The following SNX16 variants were observed in gnomAD, a reference collection of about 807,000 sequenced individuals.
SNX16 encodes the protein sorting nexin-16.
Under a neutral mutation model 36.7 loss-of-function variants are expected in SNX16, and 35 were observed. That is an observed-to-expected ratio of 0.95 (90% CI 0.73 to 1.27). The LOEUF (loss-of-function observed/expected upper bound fraction) is 1.27. SNX16 is among the 50% of genes most tolerant of loss of function. SNX16 has a pLI of 0.00. For missense variants in SNX16, 367 were observed against 393.6 expected, an observed-to-expected ratio of 0.93 and a Z score of 0.57; for synonymous variants, 134 against 132.0, an observed-to-expected ratio of 1.02 and a Z score of -0.10.
At chr8:81,814,439 G>A (rs979508506) in intron 5 of SNX16, among the ~76,000 whole-genome samples, 1 of 152,026 alleles carries the variant, frequency 6.6e-6, no homozygotes, top group Non-Finnish European at 1.5e-5. Context: ...CAAATGTGTA[G>A]AGAATGAGAG....
intron 7 of SNX16, among the ~76,000 whole-genome samples, chr8:81,802,165 A>G (rs992660084): frequency 7.2e-5 from 11 of 151,882 alleles, no homozygotes; most frequent in African/African-American, 2.4e-4. Flanking sequence ...GAGAAAACTT[A>G]CATCCTGATG....
chr8:81,807,836 G>C (rs1810036551), intron 5 of SNX16: 1 of 762,804 alleles, frequency 1.3e-6, no homozygotes, highest in African/African-American at 1.7e-5. Context: ...GGAAGGTTGA[G>C]TTTTGAAACA....
rs1384130300 is a variant in SNX16 at position 81,842,163 on chromosome 8, G to A, written c.-138C>T. The A allele has an allele frequency of 6.6e-6, 1 of 150,542 alleles. No individual in the cohort carries two copies. The highest frequency in any genetic ancestry group is 2.0e-4 in the East Asian group (1 of 4,962). The allele number at this position is 150,542 out of a possible 1,614,324, so 9.3% of individuals were successfully genotyped here. A position where few individuals can be genotyped will look rare whatever the true frequency, so the allele number is the denominator to read the frequency against. On this transcript the variant is annotated 5_prime_UTR_variant, in exon 1 of 8. Transcript: ENST00000345957. ...ATCCCGAACGAGCGCGCTTCCCGGT[G>A]ACGGTTAAACCGGACTCTCCTTAAC... is the stretch of plus-strand genomic sequence containing the variant.
intron 4 of SNX16, 63 bp downstream of exon 4, chr8:81,823,729 T>C (rs1810880959): frequency 1.4e-6 from 2 of 1,397,872 alleles, no homozygotes; most frequent in Admixed American, 4.6e-5. Context: ...CATAGATTTA[T>C]TCTTTAATTT....
chr8:81,838,181 A>C (rs1012864444), intron 2 of SNX16, among the ~76,000 whole-genome samples: 1 of 152,202 alleles, frequency 6.6e-6, no homozygotes, highest in African/African-American at 2.4e-5. Flanking sequence ...TCTAACCAAC[A>C]GATGTAAGAA....
At chr8:81,816,433 G>A (rs1158155446) in intron 4 of SNX16, among the ~76,000 whole-genome samples, 1 of 151,484 alleles carries the variant, frequency 6.6e-6, no homozygotes, top group East Asian at 1.9e-4. Context: ...CAGGTGATCC[G>A]CCCGCCTCAG....
chr8:81,832,815 T>C (rs1811327596), intron 2 of SNX16, among the ~76,000 whole-genome samples: 1 of 150,116 alleles, frequency 6.7e-6, no homozygotes, highest in Non-Finnish European at 1.5e-5. Flanking sequence ...TGATACGGTA[T>C]TTTGCACTAA....
intron 3 of SNX16, among the ~76,000 whole-genome samples, chr8:81,828,305 G>A (rs764879381): frequency 1.3e-5 from 2 of 152,038 alleles, no homozygotes; most frequent in African/African-American, 4.8e-5. Flanking sequence ...TACTTCCAAC[G>A]CTGGGTATTA....
chr8:81,822,941 CATATACATATATAT>C (rs1810820312), intron 4 of SNX16, among the ~76,000 whole-genome samples: 1 of 50,532 alleles, frequency 2.0e-5, no homozygotes, highest in Non-Finnish European at 3.5e-5. Context: ...TATATATATA[CATATACATATATAT>C]ATATATATAT....
chr8:81,826,055 AAAG>A (rs893195359), intron 3 of SNX16, among the ~76,000 whole-genome samples: 3 of 152,140 alleles, frequency 2.0e-5, no homozygotes, highest in African/African-American at 7.2e-5. Flanking sequence ...TGTCCACAGA[AAAG>A]AAGGAGTTGT....
At chr8:81,819,156 T>C (rs1200652393) in intron 4 of SNX16, among the ~76,000 whole-genome samples, 1 of 152,070 alleles carries the variant, frequency 6.6e-6, no homozygotes, top group Non-Finnish European at 1.5e-5. Context: ...ATACATAACT[T>C]TAACTTTTGA....
chr8:81,821,107 G>T (rs973117806), intron 4 of SNX16, among the ~76,000 whole-genome samples: 1 of 136,864 alleles, frequency 7.3e-6, no homozygotes, highest in East Asian at 2.2e-4. Flanking sequence ...GCAAACAAAC[G>T]CAAGGCATAC....
At chr8:81,824,895 T>G (rs976819651) in intron 3 of SNX16, among the ~76,000 whole-genome samples, 10 of 152,148 alleles carry the variant, frequency 6.6e-5, no homozygotes, top group Non-Finnish European at 1.2e-4. Context: ...GAAGGCTGGG[T>G]GCTGGAACTG....
rs536208727 is a variant in SNX16, at chr8:81,805,541, G to T, written c.682-2313C>A. Reference sequence around the variant, plus strand: ...TATTAAAATACACCAAATCCAAGGAGAAAAGACTAGTGGAAAAAACAGTGA... The same window carrying T: ...TATTAAAATACACCAAATCCAAGGATAAAAGACTAGTGGAAAAAACAGTGA... On this transcript the variant is annotated intron_variant, in intron 5 of 7. Transcript: ENST00000345957. Among the ~76,000 whole-genome samples the T allele has an allele frequency of 2.6e-5, 4 of 152,188 alleles. No homozygotes were observed. In the South Asian group the frequency reaches 8.3e-4, roughly 32 times the overall value.
chr8:81,812,738 T>C (rs1054762395), intron 5 of SNX16, among the ~76,000 whole-genome samples: 8 of 152,082 alleles, frequency 5.3e-5, no homozygotes, highest in Non-Finnish European at 1.2e-4. Context: ...GTGGATTAAA[T>C]AAAATAATCT....
Position 81,799,641 on chromosome 8 carries a change from A to G in SNX16, c.*1856T>C, listed in dbSNP as rs1403631448. ...AATACTGGGAGTAAAATGCATTATAAAAGTAAAAAAAAGTAAATTATAAAT... is the reference window on the plus strand; with the variant it reads ...AATACTGGGAGTAAAATGCATTATAGAAGTAAAAAAAAGTAAATTATAAAT... On this transcript the variant is annotated 3_prime_UTR_variant, in exon 8 of 8. Transcript: ENST00000345957. 2.6e-5 allele frequency: 4 copies of G among 151,956 alleles called. No individual in the cohort carries two copies. Among genetic ancestry groups the G allele is most frequent in the African/African-American group, 9.7e-5 (4 of 41,444 alleles). 9.4% of individuals were successfully genotyped at this position (151,956 alleles called of 1,614,324 possible). A position where few individuals can be genotyped will look rare whatever the true frequency, so the allele number is the denominator to read the frequency against.
intron 4 of SNX16, among the ~76,000 whole-genome samples, chr8:81,819,607 C>G (rs1810642751): frequency 6.6e-6 from 1 of 151,910 alleles, no homozygotes; most frequent in African/African-American, 2.4e-5. Context: ...GGTATGTCTT[C>G]TTTCTATTCA....
intron 3 of SNX16, among the ~76,000 whole-genome samples, chr8:81,825,295 A>T (rs1810960555): frequency 1.3e-5 from 2 of 152,184 alleles, no homozygotes; most frequent in Non-Finnish European, 2.9e-5. Context: ...ACATTGTCAA[A>T]TCATGAATTT....
At chr8:81,813,204 C>G (rs1488489881) in intron 5 of SNX16, among the ~76,000 whole-genome samples, 1 of 151,854 alleles carries the variant, frequency 6.6e-6, no homozygotes, top group Non-Finnish European at 1.5e-5. Flanking sequence ...AAAAGATATG[C>G]TATGCAAACA....
Sources: allele counts gnomAD v4.1 joint callset (sites outside exome capture counted in the v4.1 genomes callset), GRCh38; gene constraint gnomAD v4.1.1; transcripts MANE v1.5; gene names NCBI Gene and HGNC (gene_info 2026-07-23, HGNC 2026-07-21).